CSMD1: variants seen among roughly 807,000 people sequenced by gnomAD.
CSMD1 encodes CUB and Sushi multiple domains 1.
CSMD1 carries 213 observed loss-of-function variants against 417.5 expected under a neutral mutation model. The ratio of observed to expected loss-of-function variants is 0.51; its 90% confidence interval spans 0.46 to 0.57. The LOEUF (loss-of-function observed/expected upper bound fraction) is 0.57, where lower values mean the gene tolerates loss of function less well. Among genes scored for constraint, CSMD1 ranks in the 20% least tolerant of loss-of-function variants. The pLI, the probability that CSMD1 is intolerant of heterozygous loss-of-function variation, is 0.00. For missense variants in CSMD1, 6,923 were observed against 4,529.7 expected (o/e 1.53, Z -15.17); for synonymous variants, 2,862 against 1,736.8 (o/e 1.65, Z -16.11).
At chr8:4,239,448 G>C (rs1408468853) in intron 3 of CSMD1, among the ~76,000 whole-genome samples, 2 of 152,118 alleles carry the variant, frequency 1.3e-5, no homozygotes, top group Admixed American at 6.5e-5. Context: ...CTGGGTCCTG[G>C]AGCCATCAGT....
chr8:4,113,949 C>A (rs891208971), intron 3 of CSMD1, among the ~76,000 whole-genome samples: 2 of 152,158 alleles, frequency 1.3e-5, no homozygotes, highest in Non-Finnish European at 2.9e-5. Context: ...GAAAAGAAGC[C>A]ATCTCCATAA....
rs183294574 is a variant in CSMD1, at chr8:4,276,655, T to C, written c.415+143298A>G. ...TAAGTGAAGTAGTGATTCAAAGTCT[T>C]ATTTTCCTTCTGGTCATTGATTCAG... On this transcript the variant is annotated intron_variant, in intron 3 of 69. Transcript: ENST00000635120. Among the ~76,000 whole-genome samples the C allele has an allele frequency of 3.6e-3, 552 of 152,304 alleles. 5 individuals are homozygous for C. The highest frequency in any genetic ancestry group is 0.013 in the African/African-American group (525 of 41,566).
chr8:3,137,825 C>T (rs946419122), intron 41 of CSMD1, among the ~76,000 whole-genome samples: 2 of 152,218 alleles, frequency 1.3e-5, no homozygotes, highest in African/African-American at 4.8e-5. Flanking sequence ...TGAATCCACA[C>T]ATGCAGAACT....
At chr8:3,726,773 A>C (rs1226898724) in intron 6 of CSMD1, among the ~76,000 whole-genome samples, 1 of 152,196 alleles carries the variant, frequency 6.6e-6, no homozygotes, top group East Asian at 1.9e-4. Flanking sequence ...CCTTATTCTT[A>C]GCATGCCCTC....
rs535032580 is a variant in CSMD1 at position 4,508,509 on chromosome 8, A to C, written c.303-88444T>G. Among the ~76,000 whole-genome samples, 31 of 152,340 alleles carry C rather than the reference A, an allele frequency of 2.0e-4. No homozygotes were observed. In the East Asian group the frequency reaches 5.4e-3, roughly 27 times the overall value. On this transcript the variant is annotated intron_variant, in intron 2 of 69. Transcript: ENST00000635120. Reference sequence around the variant, plus strand: ...TAGTATTTTCTTTCTTTTTAATAAAATCATCCAAACGTTATAAATTTGCAA... The same window carrying C: ...TAGTATTTTCTTTCTTTTTAATAAACTCATCCAAACGTTATAAATTTGCAA...
intron 1 of CSMD1, among the ~76,000 whole-genome samples, chr8:4,739,807 A>G (rs760649146): frequency 2.4e-4 from 37 of 152,010 alleles, no homozygotes; most frequent in Non-Finnish European, 7.4e-5. Flanking sequence ...CTGCTGCAAC[A>G]GCCTCCTTTG....
At chr8:3,622,168 G>A (rs183731377) in intron 7 of CSMD1, among the ~76,000 whole-genome samples, 49 of 152,224 alleles carry the variant, frequency 3.2e-4, no homozygotes, top group Non-Finnish European at 5.7e-4. Flanking sequence ...TCTTGTAAAT[G>A]CATTTAGCTT....
chr8:3,096,268 C>A (rs1272785525), intron 47 of CSMD1, among the ~76,000 whole-genome samples: 2 of 152,024 alleles, frequency 1.3e-5, no homozygotes, highest in Non-Finnish European at 2.9e-5. Flanking sequence ...TGGCTGTGTC[C>A]CCTCCCAAAT....
intron 5 of CSMD1, among the ~76,000 whole-genome samples, chr8:3,759,942 T>C (rs56015507): frequency 0.38 from 54,465 of 144,194 alleles, 10,311 homozygotes; most frequent in Non-Finnish European, 0.42. Context: ...AACGGGGAAA[T>C]AATGGTAGTG....
At chr8:3,830,584 T>A (rs545444902) in intron 5 of CSMD1, among the ~76,000 whole-genome samples, 17 of 152,302 alleles carry the variant, frequency 1.1e-4, no homozygotes, top group Admixed American at 9.8e-4. Flanking sequence ...TATTGAAGAA[T>A]GATTGTTTGC....
At chr8:3,310,717 C>G (rs1051698995) in intron 23 of CSMD1, among the ~76,000 whole-genome samples, 11 of 151,504 alleles carry the variant, frequency 7.3e-5, no homozygotes, top group South Asian at 6.3e-4. Context: ...GCCGCCCATG[C>G]TAACAGGGCA....
chr8:3,201,796 T>C (rs1162742243), intron 31 of CSMD1, 71 bp from the exon 32 acceptor site: 5 of 806,586 alleles, frequency 6.2e-6, no homozygotes, highest in Non-Finnish European at 1.0e-5. Flanking sequence ...TTGATTTCAC[T>C]GAATATCTAT....
intron 7 of CSMD1, among the ~76,000 whole-genome samples, chr8:3,625,383 C>T (rs1033939307): frequency 3.3e-5 from 5 of 151,904 alleles, no homozygotes; most frequent in Non-Finnish European, 5.9e-5. Context: ...GCTGCATTTT[C>T]CAAGTGTTTA....
At chr8:4,818,379 G>C (rs1585152085) in intron 1 of CSMD1, among the ~76,000 whole-genome samples, 1 of 152,218 alleles carries the variant, frequency 6.6e-6, no homozygotes, top group African/African-American at 2.4e-5. Context: ...TAAGTGCCAT[G>C]GAAAGCTCCC....
chr8:4,647,656 A>G (rs745405647), intron 1 of CSMD1, among the ~76,000 whole-genome samples: 2 of 152,048 alleles, frequency 1.3e-5, no homozygotes, highest in African/African-American at 2.4e-5. Flanking sequence ...GTGAGTTAGA[A>G]TATGTGGTGT....
At chr8:3,414,239 A>AAAAAAAT (rs71199574) in intron 12 of CSMD1, among the ~76,000 whole-genome samples, 1 of 135,634 alleles carries the variant, frequency 7.4e-6, no homozygotes, top group Non-Finnish European at 1.6e-5. Flanking sequence ...AAAAAAAAAA[A>AAAAAAAT]TGCTGTACAA....
intron 5 of CSMD1, among the ~76,000 whole-genome samples, chr8:3,954,543 A>G (rs1811808663): frequency 1.3e-5 from 2 of 152,096 alleles, no homozygotes; most frequent in East Asian, 3.9e-4. Flanking sequence ...ATTTTTTTGT[A>G]TTTTTAGTAG....
At chr8:4,690,307 T>C (rs1359599880) in intron 1 of CSMD1, among the ~76,000 whole-genome samples, 1 of 152,182 alleles carries the variant, frequency 6.6e-6, no homozygotes, top group African/African-American at 2.4e-5. Context: ...TAGTGACTAA[T>C]TTAAGTAAAA....
chr8:2,961,869 T>C (rs774885167), intron 61 of CSMD1, among the ~76,000 whole-genome samples: 12 of 152,194 alleles, frequency 7.9e-5, no homozygotes, highest in African/African-American at 1.7e-4. Context: ...AGCTACTGTA[T>C]AGCAATAGTT....
Sources: gnomAD v4.1 joint callset for allele counts (sites outside exome capture counted in the v4.1 genomes callset) on GRCh38, gnomAD v4.1.1 for gene constraint, MANE v1.5 for transcripts, NCBI Gene and HGNC (gene_info 2026-07-23, HGNC 2026-07-21) for gene names.